The following SIL1 variants were observed in gnomAD, a reference collection of about 807,000 sequenced individuals.
SIL1 encodes the protein SIL1 nucleotide exchange factor, also known as nucleotide exchange factor SIL1.
SIL1 carries 40 observed loss-of-function variants against 49.1 expected under a neutral mutation model. The observed-to-expected ratio is 0.81, with a 90% confidence interval of 0.63 to 1.06. The LOEUF is 1.06. SIL1 is among the 50% of genes least tolerant of loss of function. The pLI is 0.00. For missense variants in SIL1, 500 were observed against 572.6 expected (o/e 0.87, Z 1.29); for synonymous variants, 253 against 250.8 (o/e 1.01, Z -0.08).
At chr5:139,125,250 G>A (rs1395701357) in intron 2 of SIL1, among the ~76,000 whole-genome samples, 6 of 152,124 alleles carry the variant, frequency 3.9e-5, no homozygotes, top group African/African-American at 4.8e-5. Flanking sequence ...TGCCTTCCAC[G>A]CTGGATCATC....
At chr5:139,025,150 A>G (rs1451059507) in intron 6 of SIL1, among the ~76,000 whole-genome samples, 1 of 152,200 alleles carries the variant, frequency 6.6e-6, no homozygotes, top group Non-Finnish European at 1.5e-5. Flanking sequence ...TGCCTGGAAC[A>G]GTGCCTGGGA....
At chr5:139,137,009 TG>T (rs1750987495) in intron 1 of SIL1, among the ~76,000 whole-genome samples, 1 of 152,196 alleles carries the variant, frequency 6.6e-6, no homozygotes, top group African/African-American at 2.4e-5. Flanking sequence ...CTACCTTCTC[TG>T]GGCTCTCAGC....
chr5:139,124,779 G>A (rs1750721967), intron 2 of SIL1, among the ~76,000 whole-genome samples: 1 of 152,214 alleles, frequency 6.6e-6, no homozygotes, highest in South Asian at 2.1e-4. Flanking sequence ...CTGGGGCAAG[G>A]TGCCTTCCAT....
chr5:138,960,608 T>C (rs1766999195), intron 7 of SIL1, among the ~76,000 whole-genome samples: 1 of 151,344 alleles, frequency 6.6e-6, no homozygotes, highest in South Asian at 2.1e-4. Context: ...CAGTTTTGTT[T>C]TGTTTTTGTT....
chr5:139,196,808 G>A (rs971220581), intron 1 of SIL1, among the ~76,000 whole-genome samples: 4 of 152,058 alleles, frequency 2.6e-5, no homozygotes, highest in African/African-American at 9.7e-5. Context: ...TCTGACCCAT[G>A]TTATACAAAT....
intron 7 of SIL1, among the ~76,000 whole-genome samples, chr5:138,971,101 G>C (rs1767260006): frequency 6.6e-6 from 1 of 152,118 alleles, no homozygotes; most frequent in African/African-American, 2.4e-5. Context: ...ACACCATGTG[G>C]CACTGGTGAA....
At chr5:139,077,681 A>T (rs1769982461) in intron 3 of SIL1, among the ~76,000 whole-genome samples, 1 of 152,216 alleles carries the variant, frequency 6.6e-6, no homozygotes. Context: ...GGCAGAGTAG[A>T]GGGCACAGTT....
chr5:139,095,766 T>A lies in SIL1; in HGVS notation c.244+25269A>T, dbSNP rs557989053. Among the ~76,000 whole-genome samples the A allele has an allele frequency of 2.0e-5, 3 of 152,038 alleles. No homozygotes were observed. The East Asian group carries it at 5.8e-4, about 29-fold the overall frequency. On this transcript the variant is annotated intron_variant, in intron 3 of 9. Transcript: ENST00000394817. Reference sequence around the variant, plus strand: ...CTGGTGGAGCCAGGGAGGTCAAGGCTGCGGTGAGTCGTGACTGTGCCACTG... The same window carrying A: ...CTGGTGGAGCCAGGGAGGTCAAGGCAGCGGTGAGTCGTGACTGTGCCACTG...
intron 1 of SIL1, chr5:139,131,866 A>AC (rs1488047925): frequency 2.0e-5 from 3 of 152,232 alleles, no homozygotes; most frequent in Admixed American, 2.0e-4. Flanking sequence ...AGAGGGCACA[A>AC]CCCTAGAGCT....
At chr5:139,075,865 A>G (rs975225684) in intron 3 of SIL1, among the ~76,000 whole-genome samples, 1 of 152,132 alleles carries the variant, frequency 6.6e-6, no homozygotes, top group African/African-American at 2.4e-5. Context: ...GGACTTCACA[A>G]TCTCCTCCAT....
rs1419163588 is a variant in SIL1 at position 139,008,638 on chromosome 5, T to A, written c.767+12533A>T. Reference sequence around the variant, plus strand: ...CCCTCTACACACTGCTTTGAATGCGTCCCAGAGATTCTGGTATGTTGTGTC... The same window carrying A: ...CCCTCTACACACTGCTTTGAATGCGACCCAGAGATTCTGGTATGTTGTGTC... On this transcript the variant is annotated intron_variant, in intron 7 of 9. Transcript: ENST00000394817. 1.4e-5 allele frequency among the ~76,000 whole-genome samples: 2 copies of A among 148,036 alleles called. 1 individual carries two copies. Among genetic ancestry groups the A allele is most frequent in the Non-Finnish European group, 3.0e-5 (2 of 66,526 alleles).
intron 2 of SIL1, among the ~76,000 whole-genome samples, chr5:139,124,560 G>A (rs1750717648): frequency 6.6e-6 from 1 of 152,170 alleles, no homozygotes; most frequent in Non-Finnish European, 1.5e-5. Flanking sequence ...GTCTTTAGAT[G>A]CTTTGCCCAA....
intron 3 of SIL1, among the ~76,000 whole-genome samples, chr5:139,111,994 GC>G (rs1015305562): frequency 4.6e-5 from 7 of 152,236 alleles, no homozygotes; most frequent in African/African-American, 1.7e-4. Context: ...GCAGGTGCGC[GC>G]CGCCACGCCT....
chr5:139,071,307 TG>T (rs1271362131), intron 3 of SIL1, among the ~76,000 whole-genome samples: 1 of 152,072 alleles, frequency 6.6e-6, no homozygotes, highest in Non-Finnish European at 1.5e-5. Context: ...ACTATAGTCT[TG>T]GGTGCAAAAC....
intron 7 of SIL1, among the ~76,000 whole-genome samples, chr5:139,018,943 G>GA: frequency 6.6e-6 from 1 of 152,310 alleles, no homozygotes; most frequent in South Asian, 2.1e-4. Flanking sequence ...GGAAATAGTA[G>GA]AAACTAAACT....
At chr5:139,033,911 G>C (rs1360472437) in intron 5 of SIL1, among the ~76,000 whole-genome samples, 1 of 152,142 alleles carries the variant, frequency 6.6e-6, no homozygotes, top group Non-Finnish European at 1.5e-5. Flanking sequence ...TTCTGAGAAA[G>C]GGATGTTGAA....
At chr5:139,015,516 G>A (rs1417145511) in intron 7 of SIL1, among the ~76,000 whole-genome samples, 2 of 152,096 alleles carry the variant, frequency 1.3e-5, no homozygotes, top group Non-Finnish European at 2.9e-5. Flanking sequence ...CCAAAATCAC[G>A]AAAGTGGCTA....
At chr5:139,192,415 G>A (rs1475107742) in intron 1 of SIL1, among the ~76,000 whole-genome samples, 1 of 152,172 alleles carries the variant, frequency 6.6e-6, no homozygotes. Context: ...TGCCAGTGAT[G>A]ATAAGTGGTA....
At chr5:139,099,037 A>T (rs1391885929) in intron 3 of SIL1, among the ~76,000 whole-genome samples, 1 of 151,804 alleles carries the variant, frequency 6.6e-6, no homozygotes, top group Non-Finnish European at 1.5e-5. Context: ...GGTTGTTCTC[A>T]AACTCCCAAC....
Sources: gnomAD v4.1 joint callset for allele counts (sites outside exome capture counted in the v4.1 genomes callset) on GRCh38, gnomAD v4.1.1 for gene constraint, MANE v1.5 for transcripts, NCBI Gene and HGNC (gene_info 2026-07-23, HGNC 2026-07-21) for gene names.